DIPK1A: variants seen among roughly 807,000 people sequenced by gnomAD.
The protein encoded by DIPK1A is family with sequence similarity 69 member A.
Under a neutral mutation model 40.8 loss-of-function variants are expected in DIPK1A, and 27 were observed. The ratio of observed to expected loss-of-function variants is 0.66; its 90% confidence interval spans 0.49 to 0.91. The LOEUF is 0.91. Among genes scored for constraint, DIPK1A ranks in the 40% least tolerant of loss-of-function variants. DIPK1A has a pLI of 0.00. For missense variants in DIPK1A, 412 were observed against 505.7 expected (o/e 0.81, Z 1.78); for synonymous variants, 166 against 171.3 (o/e 0.97, Z 0.24).
At chr1:92,923,551 A>T (rs1306277908) in intron 1 of DIPK1A, among the ~76,000 whole-genome samples, 1 of 152,210 alleles carries the variant, frequency 6.6e-6, no homozygotes, top group Non-Finnish European at 1.5e-5. Context: ...ATTTTCAGAG[A>T]GTTGCTCTTC....
chr1:92,852,701 A>C (rs1314100093), intron 2 of DIPK1A, among the ~76,000 whole-genome samples: 4 of 152,072 alleles, frequency 2.6e-5, no homozygotes, highest in Non-Finnish European at 5.9e-5. Flanking sequence ...TAAAAGCCAC[A>C]TTATAAATGA....
chr1:92,961,008 G>A (rs1652057286), intron 1 of DIPK1A, among the ~76,000 whole-genome samples: 1 of 152,238 alleles, frequency 6.6e-6, no homozygotes, highest in South Asian at 2.1e-4. Context: ...ACACCAGGGA[G>A]AAGGCGGCCC....
At chr1:92,875,144 G>A (rs1006014507) in intron 2 of DIPK1A, among the ~76,000 whole-genome samples, 5 of 151,982 alleles carry the variant, frequency 3.3e-5, no homozygotes, top group Admixed American at 6.6e-5. Flanking sequence ...TTAGAACTTG[G>A]GGAAGCTCCA....
At chr1:92,916,868 AAATT>A (rs1650075260) in intron 1 of DIPK1A, among the ~76,000 whole-genome samples, 1 of 152,216 alleles carries the variant, frequency 6.6e-6, no homozygotes, top group African/African-American at 2.4e-5. Flanking sequence ...ACGATAATCT[AAATT>A]AACTGACAAT....
chr1:92,920,491 T>C (rs1650227787), intron 1 of DIPK1A, among the ~76,000 whole-genome samples: 1 of 152,184 alleles, frequency 6.6e-6, no homozygotes, highest in Non-Finnish European at 1.5e-5. Flanking sequence ...ATGTCTTTAT[T>C]AGCAGTGTGA....
intron 1 of DIPK1A, among the ~76,000 whole-genome samples, chr1:92,951,041 A>G (rs552019176): frequency 6.6e-6 from 1 of 152,322 alleles, no homozygotes; most frequent in East Asian, 1.9e-4. Context: ...TCAAATACTA[A>G]TCCAAGTACT....
intron 4 of DIPK1A, chr1:92,834,077 C>T: frequency 3.9e-6 from 1 of 257,326 alleles, no homozygotes; most frequent in Non-Finnish European, 7.6e-6. Context: ...ACCTAGGTGA[C>T]AGAGCAAGAC....
chr1:92,865,379 A>G (rs1647488256), intron 2 of DIPK1A, among the ~76,000 whole-genome samples: 1 of 152,110 alleles, frequency 6.6e-6, no homozygotes, highest in Non-Finnish European at 1.5e-5. Flanking sequence ...AAACAAAAAA[A>G]GCAACCCCTC....
At chr1:92,904,711 T>G (rs1306256418) in intron 1 of DIPK1A, among the ~76,000 whole-genome samples, 1 of 152,158 alleles carries the variant, frequency 6.6e-6, no homozygotes, top group East Asian at 1.9e-4. Context: ...AATAAATTAC[T>G]GTTGACTATA....
At chr1:92,938,006 T>C (rs1017618966) in intron 1 of DIPK1A, among the ~76,000 whole-genome samples, 3 of 152,246 alleles carry the variant, frequency 2.0e-5, no homozygotes, top group Non-Finnish European at 4.4e-5. Flanking sequence ...AGAACAAATT[T>C]GTTCTTTTCT....
chr1:92,941,814 C>G (rs896700460), intron 1 of DIPK1A, among the ~76,000 whole-genome samples: 1 of 152,052 alleles, frequency 6.6e-6, no homozygotes, highest in Non-Finnish European at 1.5e-5. Flanking sequence ...ACTCTATACT[C>G]GAAAAGTGCA....
intron 1 of DIPK1A, among the ~76,000 whole-genome samples, chr1:92,904,789 C>T (rs1012582524): frequency 6.6e-6 from 1 of 151,956 alleles, no homozygotes; most frequent in African/African-American, 2.4e-5. Flanking sequence ...CATTAACTAT[C>T]CCCACTTCCC....
intron 1 of DIPK1A, among the ~76,000 whole-genome samples, chr1:92,936,048 T>A (rs1650932370): frequency 6.6e-6 from 1 of 152,128 alleles, no homozygotes; most frequent in African/African-American, 2.4e-5. Flanking sequence ...ATCACGCCAC[T>A]GCATTCCAGC....
chr1:92,840,550 G>C, downstream of DIPK1A: 1 of 1,611,058 alleles, frequency 6.2e-7, no homozygotes, highest in Non-Finnish European at 8.5e-7. Context: ...CTTTGTTTCA[G>C]ATGGAGGAGA....
At chr1:92,847,444 C>T in intron 3 of DIPK1A, 85 bp from the exon 4 acceptor site, 2 of 803,560 alleles carry the variant, frequency 2.5e-6, no homozygotes, top group South Asian at 7.9e-5. Context: ...GGGTCCTCCT[C>T]CTCTGAACAA....
chr1:92,881,730 G>A (rs1362322995), intron 1 of DIPK1A, among the ~76,000 whole-genome samples: 2 of 152,152 alleles, frequency 1.3e-5, no homozygotes, highest in African/African-American at 4.8e-5. Context: ...TGTATGATAT[G>A]TTCCCAATTT....
intron 1 of DIPK1A, among the ~76,000 whole-genome samples, chr1:92,892,692 C>T (rs902515086): frequency 3.3e-5 from 5 of 152,028 alleles, no homozygotes; most frequent in African/African-American, 1.2e-4. Flanking sequence ...TTCAGATGAT[C>T]AAACTACTCC....
At chr1:92,922,780 C>A (rs1489006359) in intron 1 of DIPK1A, among the ~76,000 whole-genome samples, 2 of 152,188 alleles carry the variant, frequency 1.3e-5, no homozygotes, top group Non-Finnish European at 2.9e-5. Flanking sequence ...TGTCTGTAAC[C>A]TTCGAGAATG....
intron 1 of DIPK1A, among the ~76,000 whole-genome samples, chr1:92,909,789 T>G (rs529951630): frequency 2.6e-5 from 4 of 152,340 alleles, no homozygotes; most frequent in African/African-American, 9.6e-5. Flanking sequence ...AGCAATCATT[T>G]TAAGTAACTT....
Sources: allele counts gnomAD v4.1 joint callset (sites outside exome capture counted in the v4.1 genomes callset), GRCh38; gene constraint gnomAD v4.1.1; transcripts MANE v1.5; gene names NCBI Gene and HGNC (gene_info 2026-07-23, HGNC 2026-07-21).